HSPA12A: variants seen among roughly 807,000 people sequenced by gnomAD.
HSPA12A encodes the protein heat shock protein family A (Hsp70) member 12A.
In HSPA12A, 28 loss-of-function variants were observed where a neutral mutation model predicts 69.2. That is an observed-to-expected ratio of 0.40 (90% CI 0.30 to 0.55). The LOEUF (loss-of-function observed/expected upper bound fraction) is 0.55, where lower values mean the gene tolerates loss of function less well. HSPA12A is among the 20% of genes least tolerant of loss of function. HSPA12A has a pLI of 0.38. For missense variants in HSPA12A, 686 were observed against 900.7 expected, an observed-to-expected ratio of 0.76 and a Z score of 3.05; for synonymous variants, 345 against 370.5, an observed-to-expected ratio of 0.93 and a Z score of 0.79.
chr10:116,837,555 C>G (rs896916774), intron 1 of HSPA12A, among the ~76,000 whole-genome samples: 1 of 152,120 alleles, frequency 6.6e-6, no homozygotes, highest in African/African-American at 2.4e-5. Context: ...TCTGAAAAAG[C>G]CGTAGAACTT....
intron 1 of HSPA12A, among the ~76,000 whole-genome samples, chr10:116,839,436 T>A (rs1845768186): frequency 6.6e-6 from 1 of 150,902 alleles, no homozygotes; most frequent in African/African-American, 2.4e-5. Context: ...GCCAAAGGAG[T>A]CTTCCCATAC....
At chr10:116,697,912 G>C (rs2420328) in intron 5 of HSPA12A, among the ~76,000 whole-genome samples, 79,915 of 151,680 alleles carry the variant, frequency 0.53, 21,423 homozygotes, top group Middle Eastern at 0.66. Flanking sequence ...ACATTTCATA[G>C]AACTGGAATC....
chr10:116,738,194 G>A (rs1417799935), intron 1 of HSPA12A, among the ~76,000 whole-genome samples: 3 of 152,178 alleles, frequency 2.0e-5, no homozygotes, highest in African/African-American at 7.2e-5. Flanking sequence ...TTCTGAGATT[G>A]TCCAAGCCCT....
intron 1 of HSPA12A, among the ~76,000 whole-genome samples, chr10:116,838,204 A>G (rs1054842210): frequency 2.0e-5 from 3 of 152,074 alleles, no homozygotes; most frequent in African/African-American, 7.2e-5. Context: ...CCAAGAAGAG[A>G]AGAGCTTGGA....
intron 5 of HSPA12A, among the ~76,000 whole-genome samples, chr10:116,693,827 C>G (rs1250961137): frequency 5.9e-5 from 9 of 152,170 alleles, no homozygotes; most frequent in African/African-American, 1.7e-4. Context: ...TAAAATTCAT[C>G]ACCTTAACCA....
At position 116,686,856 on chromosome 10, in the gene HSPA12A, CT is replaced by C; in HGVS notation, c.664-2895del. Among the ~76,000 whole-genome samples, 1 of 151,552 alleles carries C rather than the reference CT, an allele frequency of 6.6e-6. No individual in the cohort carries two copies. Among genetic ancestry groups the C allele is most frequent in the South Asian group, 2.1e-4 (1 of 4,788 alleles). On this transcript the variant is annotated intron_variant, in intron 6 of 11. Coordinates refer to ENST00000369209, the MANE Select transcript of HSPA12A (RefSeq NM_025015.3). The surrounding 1 kb of genome is among the most constrained non-coding windows in gnomAD (Gnocchi z 4.1). ...AAACCATAAGCTCCACCCCTCATCC[CT>C]CTTCCCACACCATAAGCTCCGCCCC...
chr10:116,786,761 T>C (rs1293759028), intron 2 of HSPA12A, among the ~76,000 whole-genome samples: 2 of 152,100 alleles, frequency 1.3e-5, no homozygotes, highest in African/African-American at 4.8e-5. Flanking sequence ...TGCCTCAGCC[T>C]CCTGAGTAGC....
chr10:116,712,015 A>G (rs2132999934), intron 1 of HSPA12A, among the ~76,000 whole-genome samples: 1 of 152,200 alleles, frequency 6.6e-6, no homozygotes, highest in East Asian at 1.9e-4. Flanking sequence ...AATGCAAACT[A>G]CTAGCCACAA....
chr10:116,709,527 G>C (rs1307849747), intron 1 of HSPA12A, among the ~76,000 whole-genome samples: 1 of 151,842 alleles, frequency 6.6e-6, no homozygotes, highest in African/African-American at 2.4e-5. Flanking sequence ...TTGTAAAAAG[G>C]AAGAACATTC....
chr10:116,676,433 A>T lies in HSPA12A; in HGVS notation c.1356T>A (p.Phe452Leu). The T allele has an allele frequency of 6.2e-7, 1 of 1,613,890 alleles. No homozygotes were observed. Among genetic ancestry groups the T allele is most frequent in the Non-Finnish European group, 8.5e-7 (1 of 1,179,942 alleles). ...CAATGATGCTATCGATGGTCGGCTT[A>T]AAAAGGGCGTTCATGGCATCTGGAC... Reference protein sequence around the residue: ...RMSPDAMNALFKPTIDSIIEH... With the variant: ...RMSPDAMNALLKPTIDSIIEH... Residue 452 changes from phenylalanine (F) to leucine (L), a missense_variant, in exon 11 of 12, where the codon TTT becomes TTA. Physicochemically the swap from Phe to Leu is conservative, Grantham distance 22. Transcript: ENST00000369209.
At chr10:116,697,362 A>C (rs3010480) in intron 5 of HSPA12A, among the ~76,000 whole-genome samples, 79,979 of 151,334 alleles carry the variant, frequency 0.53, 21,504 homozygotes, top group Middle Eastern at 0.66. Context: ...ATGCTTTTGG[A>C]ATTTCAGGCC....
chr10:116,716,660 C>G (rs149895714), intron 1 of HSPA12A, among the ~76,000 whole-genome samples: 2 of 152,290 alleles, frequency 1.3e-5, no homozygotes, highest in African/African-American at 4.8e-5. Context: ...CCAGAGTTGG[C>G]TCTTCGGCTG....
chr10:116,702,594 G>T (rs1285301547), intron 3 of HSPA12A, among the ~76,000 whole-genome samples: 2 of 152,216 alleles, frequency 1.3e-5, no homozygotes, highest in Non-Finnish European at 2.9e-5. Context: ...TGACCGCACT[G>T]AGACACAGGG....
chr10:116,783,760 C>T (rs1045537037), intron 2 of HSPA12A, among the ~76,000 whole-genome samples: 1 of 152,198 alleles, frequency 6.6e-6, no homozygotes, highest in Admixed American at 6.5e-5. Context: ...CTTGCCCAGG[C>T]TGGAGTGCAA....
intron 2 of HSPA12A, among the ~76,000 whole-genome samples, chr10:116,795,586 T>G: frequency 6.9e-6 from 1 of 145,912 alleles, no homozygotes. Flanking sequence ...CTCAGGAGGC[T>G]GGGGCAGGAG....
intron 1 of HSPA12A, among the ~76,000 whole-genome samples, chr10:116,715,582 T>C (rs1554883702): frequency 6.6e-6 from 1 of 152,148 alleles, no homozygotes; most frequent in African/African-American, 2.4e-5. Flanking sequence ...TGGCCACAAG[T>C]TGATAATGAC....
At chr10:116,795,770 ATATAT>A (rs1442833577) in intron 2 of HSPA12A, among the ~76,000 whole-genome samples, 1 of 150,474 alleles carries the variant, frequency 6.6e-6, no homozygotes, top group African/African-American at 2.4e-5. Flanking sequence ...TAAGTATATC[ATATAT>A]TATTATTTAT....
At chr10:116,724,227 C>T (rs536238262) in intron 1 of HSPA12A, among the ~76,000 whole-genome samples, 11 of 152,298 alleles carry the variant, frequency 7.2e-5, no homozygotes, top group East Asian at 1.9e-4. Context: ...AGAACACGCA[C>T]TTTGGGTTCA....
chr10:116,825,346 C>A (rs1254513821), intron 2 of HSPA12A, among the ~76,000 whole-genome samples: 1 of 151,864 alleles, frequency 6.6e-6, no homozygotes, highest in African/African-American at 2.4e-5. Context: ...CCCATCTCTA[C>A]TAAAAATACA....
Sources: gnomAD v4.1 joint callset for allele counts (sites outside exome capture counted in the v4.1 genomes callset) on GRCh38, gnomAD v4.1.1 for gene constraint, Gnocchi (gnomAD v3.1) non-coding constraint, MANE v1.5 for transcripts, NCBI Gene and HGNC (gene_info 2026-07-23, HGNC 2026-07-21) for gene names.